ANK2: variants seen among roughly 807,000 people sequenced by gnomAD.
ANK2 encodes the protein ankyrin-2.
ANK2 carries 83 observed loss-of-function variants against 360.5 expected under a neutral mutation model. That is an observed-to-expected ratio of 0.23 (90% CI 0.19 to 0.28). ANK2 has a LOEUF of 0.28. ANK2 is among the 10% of genes least tolerant of loss of function. ANK2 has a pLI of 1.00. For synonymous variants in ANK2, 1,740 were observed against 1,759.5 expected (o/e 0.99, Z 0.28); for missense variants, 4,201 against 4,795.7 (o/e 0.88, Z 3.66).
At chr4:112,724,369 A>G in the ANK2 span, among the ~76,000 whole-genome samples, 1 of 152,084 alleles carries the variant, frequency 6.6e-6, no homozygotes, top group African/African-American at 2.4e-5. Context: ...CCGGCCAGAA[A>G]AATCTTGAAA....
At chr4:112,713,472 G>A in the ANK2 span, among the ~76,000 whole-genome samples, 2 of 152,156 alleles carry the variant, frequency 1.3e-5, no homozygotes, top group Admixed American at 1.3e-4. Context: ...GGGAAGCAGA[G>A]GCAGGAGAAT....
intron 1 of ANK2, among the ~76,000 whole-genome samples, chr4:112,836,288 T>C (rs1271285994): frequency 6.6e-6 from 1 of 152,124 alleles, no homozygotes; most frequent in Admixed American, 6.5e-5. Context: ...CCTTCTGCCA[T>C]GATTGTAAGT....
the ANK2 span, among the ~76,000 whole-genome samples, chr4:112,749,223 T>G: frequency 3.9e-5 from 6 of 152,198 alleles, no homozygotes; most frequent in African/African-American, 1.4e-4. Context: ...TAAGTCATCT[T>G]TGATCAAGCA....
At chr4:113,081,955 GC>G (rs2082572858) in intron 1 of ANK2, among the ~76,000 whole-genome samples, 1 of 151,884 alleles carries the variant, frequency 6.6e-6, no homozygotes, top group Non-Finnish European at 1.5e-5. Context: ...GATTACAGGT[GC>G]GCATCACCAC....
At chr4:112,929,753 C>T (rs1382785524) in intron 2 of ANK2, among the ~76,000 whole-genome samples, 1 of 152,220 alleles carries the variant, frequency 6.6e-6, no homozygotes, top group Non-Finnish European at 1.5e-5. Flanking sequence ...CTCACTCTCA[C>T]AATCTGCACT....
chr4:113,025,587 A>G (rs191335643), intron 2 of ANK2, among the ~76,000 whole-genome samples: 3 of 152,290 alleles, frequency 2.0e-5, no homozygotes, highest in Admixed American at 1.3e-4. Context: ...CTTCTCTTCA[A>G]TCATGCCTTC....
intron 27 of ANK2, 81 bp downstream of exon 27, chr4:113,330,551 A>G: frequency 1.4e-6 from 2 of 1,440,324 alleles, no homozygotes; most frequent in East Asian, 2.4e-5. Context: ...TGGAATGGAA[A>G]AAGGTACGTC....
intron 1 of ANK2, among the ~76,000 whole-genome samples, chr4:113,107,878 T>A (rs1473936214): frequency 6.6e-6 from 1 of 152,156 alleles, no homozygotes. Context: ...CAAATTAGGA[T>A]TCAAAAACCC....
chr4:113,240,229 T>A (rs2039043915), intron 7 of ANK2, among the ~76,000 whole-genome samples: 2 of 152,196 alleles, frequency 1.3e-5, no homozygotes, highest in Non-Finnish European at 2.9e-5. Flanking sequence ...ACAACAAATC[T>A]CATAAATAGA....
intron 2 of ANK2, among the ~76,000 whole-genome samples, chr4:113,025,560 C>T (rs768718021): frequency 4.6e-5 from 7 of 152,316 alleles, no homozygotes; most frequent in Non-Finnish European, 1.0e-4. Context: ...AAATCAATCT[C>T]TTGACACTTT....
intron 41 of ANK2, among the ~76,000 whole-genome samples, chr4:113,366,055 G>T (rs1206235798): frequency 1.3e-5 from 2 of 152,062 alleles, no homozygotes; most frequent in Non-Finnish European, 2.9e-5. Context: ...TGCTTTAATA[G>T]ATCCCATCTT....
the ANK2 span, among the ~76,000 whole-genome samples, chr4:112,713,803 A>G: frequency 4.0e-5 from 6 of 151,052 alleles, no homozygotes; most frequent in East Asian, 2.0e-4. Flanking sequence ...GCGTGGTGGC[A>G]GGCGCCTGTA....
At chr4:113,150,203 C>G (rs959290491) in intron 1 of ANK2, among the ~76,000 whole-genome samples, 1 of 152,146 alleles carries the variant, frequency 6.6e-6, no homozygotes, top group African/African-American at 2.4e-5. Context: ...GCAGCTGTTA[C>G]TATGAACCTA....
chr4:113,105,559 G>T (rs2093508312), intron 1 of ANK2, among the ~76,000 whole-genome samples: 1 of 152,174 alleles, frequency 6.6e-6, no homozygotes, highest in South Asian at 2.1e-4. Flanking sequence ...ACTATTTCAA[G>T]ACTCATTAAT....
chr4:112,818,140 C>A (rs2055855367), exon 1 of ANK2: 1 of 152,220 alleles, frequency 6.6e-6, no homozygotes. Context: ...AAAGTCGGTT[C>A]CTGGGCTGCT....
chr4:112,937,468 C>T (rs2093844979), intron 2 of ANK2, among the ~76,000 whole-genome samples: 1 of 152,014 alleles, frequency 6.6e-6, no homozygotes, highest in South Asian at 2.1e-4. Context: ...GCTGGGATTA[C>T]AGGCACCTGC....
At chr4:113,038,917 C>G (rs142811178) in intron 2 of ANK2, among the ~76,000 whole-genome samples, 7 of 152,176 alleles carry the variant, frequency 4.6e-5, no homozygotes, top group African/African-American at 1.4e-4. Context: ...GCTGCCCCAG[C>G]TGACACCACA....
At chr4:112,780,198 A>AG in the ANK2 span, among the ~76,000 whole-genome samples, 1 of 152,006 alleles carries the variant, frequency 6.6e-6, no homozygotes, top group East Asian at 1.9e-4. Context: ...AAAAAAAAAA[A>AG]AAAGAAGTCA....
chr4:113,317,705 A>G lies in ANK2; in HGVS notation c.2694-2A>G, dbSNP rs2083657945. Reference sequence around the variant, plus strand: ...TGCCATGGCCTCCTGCCAACCTACCAGCCTTCGATCCTTCAGTTCCGACAG... The same window carrying G: ...TGCCATGGCCTCCTGCCAACCTACCGGCCTTCGATCCTTCAGTTCCGACAG... On this transcript the variant is annotated splice_acceptor_variant, in intron 24 of 45. Coordinates refer to ENST00000357077, the MANE Select transcript of ANK2 (RefSeq NM_001148.6). LOFTEE classifies it high-confidence loss of function. The G allele has an allele frequency of 6.2e-7, 1 of 1,613,028 alleles. No homozygotes were observed. The highest frequency in any genetic ancestry group is 1.3e-5 in the African/African-American group (1 of 74,858).
Sources: gnomAD v4.1 joint callset for allele counts (sites outside exome capture counted in the v4.1 genomes callset) on GRCh38, gnomAD v4.1.1 for gene constraint, MANE v1.5 for transcripts, NCBI Gene and HGNC (gene_info 2026-07-23, HGNC 2026-07-21) for gene names.